PRC1: variants seen among roughly 807,000 people sequenced by gnomAD.
PRC1 encodes anaphase spindle elongation 1 homolog.
In PRC1, 54 loss-of-function variants were observed where a neutral mutation model predicts 91.2. The observed-to-expected ratio is 0.59, with a 90% CI of 0.48 to 0.74. The LOEUF (loss-of-function observed/expected upper bound fraction) is 0.74. PRC1 is among the 30% of genes least tolerant of loss of function. PRC1 has a pLI of 0.00. For missense variants in PRC1, 727 were observed against 746.2 expected (o/e 0.97, Z 0.30); for synonymous variants, 275 against 263.6 (o/e 1.04, Z -0.42).
intron 11 of PRC1, among the ~76,000 whole-genome samples, chr15:90,971,168 G>A (rs2038091736): frequency 6.6e-6 from 1 of 152,222 alleles, no homozygotes; most frequent in African/African-American, 2.4e-5. Context: ...AAGGAGGGAG[G>A]TAATACAAAG....
chr15:90,972,732 C>T (rs1216709100), intron 11 of PRC1: 1 of 147,908 alleles, frequency 6.8e-6, no homozygotes, highest in Non-Finnish European at 1.5e-5. Context: ...GAGCGAAACT[C>T]CATCTCAAAA....
At chr15:90,990,025 C>T (rs543838742) in intron 1 of PRC1, among the ~76,000 whole-genome samples, 2 of 152,040 alleles carry the variant, frequency 1.3e-5, no homozygotes, top group African/African-American at 4.8e-5. Context: ...GCCACCACAC[C>T]CAGCTAACTT....
intron 3 of PRC1, among the ~76,000 whole-genome samples, chr15:90,982,439 G>A (rs1241494789): frequency 6.6e-6 from 1 of 152,134 alleles, no homozygotes; most frequent in African/African-American, 2.4e-5. Context: ...CCAGGCACCA[G>A]GCACTTTTAT....
chr15:90,974,525 A>T lies in PRC1; in HGVS notation c.1350+60T>A, dbSNP rs1318783002. 1.2e-6 allele frequency: 2 copies of T among 1,605,630 alleles called. No individual in the cohort carries two copies. Among genetic ancestry groups the T allele is most frequent in the Non-Finnish European group, 1.7e-6 (2 of 1,175,136 alleles). The stretch of plus-strand genomic sequence containing the variant: ...CAAACCCTGGTCCCCGGCAGAGACT[A>T]TGGGCTGCTCAGATTACTTTCTTCG... On this transcript the variant is annotated intron_variant, in intron 10 of 14. Transcript: ENST00000394249. The surrounding 1 kb of genome is among the most constrained non-coding windows in gnomAD (Gnocchi z 4.6).
intron 8 of PRC1, among the ~76,000 whole-genome samples, chr15:90,978,233 C>T (rs1268854937): frequency 1.3e-5 from 2 of 152,198 alleles, no homozygotes; most frequent in African/African-American, 2.4e-5. Context: ...CTAAGTATAG[C>T]AAAAGTTGGA....
At chr15:90,991,489 G>GTGTTTGGAATTACCAAACACCCAT (rs1391994132) in intron 1 of PRC1, among the ~76,000 whole-genome samples, 22 of 151,868 alleles carry the variant, frequency 1.4e-4, no homozygotes, top group African/African-American at 5.1e-4. Flanking sequence ...TTGGAAATGG[G>GTGTTTGGAATTACCAAACACCCAT]TGTTTGGAAT....
chr15:90,984,625 G>C lies in PRC1; in HGVS notation c.144+68C>G. 5.1e-6 allele frequency: 8 copies of C among 1,582,670 alleles called. No homozygotes were observed. Among genetic ancestry groups the C allele is most frequent in the Non-Finnish European group, 6.9e-6 (8 of 1,158,862 alleles). ...CGATGATCACATGTCCCTTCTGTAT[G>C]CTATCTCGGGTGAGACACCAACATC... On this transcript the variant is annotated intron_variant, in intron 2 of 14. Transcript: ENST00000394249. This position sits in a 1 kb window ranked among gnomAD's most constrained non-coding sequence, Gnocchi z 5.1.
Sources: gnomAD v4.1 joint callset for allele counts (sites outside exome capture counted in the v4.1 genomes callset) on GRCh38, gnomAD v4.1.1 for gene constraint, Gnocchi (gnomAD v3.1) non-coding constraint, MANE v1.5 for transcripts, NCBI Gene and HGNC (gene_info 2026-07-23, HGNC 2026-07-21) for gene names.